Variants in DMD observed in about 807,000 individuals in gnomAD.
The protein encoded by DMD is mutant dystrophin.
A neutral mutation model predicts 330.1 loss-of-function variants in DMD; 63 were observed. The observed-to-expected ratio is 0.19, with a 90% CI of 0.16 to 0.24. The LOEUF is 0.24. DMD is among the 10% of genes least tolerant of loss of function. DMD has a pLI of 1.00. For synonymous variants in DMD, 1,223 were observed against 959.8 expected (o/e 1.27, Z -5.07); for missense variants, 3,344 against 2,684.1 (o/e 1.25, Z -5.43).
At chrX:32,419,564 A>G (rs770134771) in intron 29 of DMD, among the ~76,000 whole-genome samples, 327 of 112,487 alleles carry the variant, frequency 2.9e-3, no homozygotes, top group African/African-American at 0.01. Flanking sequence ...CTTTAAATAT[A>G]AAATAAAGAA....
At chrX:31,442,816 A>G (rs998694427) in intron 60 of DMD, among the ~76,000 whole-genome samples, 3 of 111,763 alleles carry the variant, frequency 2.7e-5, no homozygotes, top group Middle Eastern at 4.6e-3. Context: ...CTCAACTACT[A>G]TGGAGCAAAC....
At chrX:32,429,613 TC>T (rs2148111739) in intron 29 of DMD, among the ~76,000 whole-genome samples, 1 of 109,170 alleles carries the variant, frequency 9.2e-6, no homozygotes, top group Admixed American at 9.9e-5. Flanking sequence ...TTGTTTTCCT[TC>T]TTTCTTGCTT....
chrX:32,510,456 A>G (rs989319350), intron 18 of DMD, among the ~76,000 whole-genome samples: 9 of 111,673 alleles, frequency 8.1e-5, no homozygotes, highest in Admixed American at 1.9e-4. Context: ...AACATTCCAC[A>G]TGCTTTACAT....
At chrX:31,728,907 G>A (rs1009827952) in intron 52 of DMD, among the ~76,000 whole-genome samples, 1 of 111,173 alleles carries the variant, frequency 9.0e-6, no homozygotes, top group Non-Finnish European at 1.9e-5. Context: ...AAGCAGAGCT[G>A]ACTTGGACCT....
At chrX:32,579,386 CAGAT>C (rs1252037004) in intron 13 of DMD, among the ~76,000 whole-genome samples, 4 of 112,039 alleles carry the variant, frequency 3.6e-5, no homozygotes, top group African/African-American at 1.3e-4. Flanking sequence ...AGGAAACTGA[CAGAT>C]AGGTTAAGTA....
intron 1 of DMD, among the ~76,000 whole-genome samples, chrX:33,106,101 C>A (rs1181540695): frequency 1.9e-5 from 2 of 108,018 alleles, no homozygotes; most frequent in African/African-American, 3.4e-5. Context: ...TACTACTCAG[C>A]CATATAAACA....
chrX:32,016,248 G>A (rs1283980729), intron 44 of DMD, among the ~76,000 whole-genome samples: 2 of 111,656 alleles, frequency 1.8e-5, no homozygotes, highest in Non-Finnish European at 3.8e-5. Context: ...TAATGTCCTC[G>A]CACTTGTTGT....
chrX:32,843,220 T>C (rs1291553202), intron 4 of DMD, among the ~76,000 whole-genome samples: 1 of 112,498 alleles, frequency 8.9e-6, no homozygotes. Context: ...TTAAATCTAA[T>C]AATTCTGTGT....
At chrX:32,488,380 C>T (rs187440744) in intron 20 of DMD, among the ~76,000 whole-genome samples, 246 of 110,825 alleles carry the variant, frequency 2.2e-3, no homozygotes, top group African/African-American at 7.6e-3. Flanking sequence ...GCTCTCTAAC[C>T]CCCACAATAT....
chrX:31,966,142 C>CCGGTGCAAT (rs2095348971), intron 45 of DMD, among the ~76,000 whole-genome samples: 1 of 111,199 alleles, frequency 9.0e-6, no homozygotes, highest in African/African-American at 3.3e-5. Flanking sequence ...ATATTTTTCA[C>CCGGTGCAAT]CGGTGCAATA....
intron 50 of DMD, among the ~76,000 whole-genome samples, chrX:31,806,218 A>AT (rs2092287879): frequency 8.9e-6 from 1 of 112,060 alleles, no homozygotes; most frequent in African/African-American, 3.2e-5. Context: ...ATAAATATGG[A>AT]TTTTTTATTT....
At chrX:31,141,227 A>G (rs1186966644) in intron 76 of DMD, among the ~76,000 whole-genome samples, 3 of 111,834 alleles carry the variant, frequency 2.7e-5, no homozygotes, top group Non-Finnish European at 3.8e-5. Context: ...AACAACAACA[A>G]CAACAACAAA....
rs780787352 is a variant in DMD at position 32,818,080 on chromosome X, C to A, written c.358-1440G>T. 1.9e-3 allele frequency among the ~76,000 whole-genome samples: 208 copies of A among 111,856 alleles called. 1 individual carries two copies. The highest frequency in any genetic ancestry group is 3.2e-3 in the Non-Finnish European group (168 of 53,200). ...TCATATTCTAAAATTATAAATTGCT[C>A]AACCTTTATGTACAGTGACTGCAGG... On this transcript the variant is annotated intron_variant, in intron 5 of 78. Transcript: ENST00000357033.
intron 48 of DMD, among the ~76,000 whole-genome samples, chrX:31,872,553 A>G (rs777946781): frequency 8.9e-5 from 10 of 111,735 alleles, no homozygotes; most frequent in African/African-American, 3.2e-4. Flanking sequence ...GTGTTCCAGG[A>G]AGAGAGATAG....
chrX:32,968,924 G>A (rs187078418), intron 2 of DMD, among the ~76,000 whole-genome samples: 1,937 of 102,032 alleles, frequency 0.019, 23 homozygotes, highest in Non-Finnish European at 0.028. Context: ...AGCTACTTGG[G>A]AGGCTGAGGC....
chrX:32,083,014 C>T (rs2096405338), intron 44 of DMD, among the ~76,000 whole-genome samples: 2 of 111,936 alleles, frequency 1.8e-5, no homozygotes, highest in South Asian at 7.4e-4. Flanking sequence ...CTCATTTACT[C>T]AATCTAATAA....
At chrX:32,847,567 G>A (rs1200947178) in intron 3 of DMD, among the ~76,000 whole-genome samples, 2 of 112,204 alleles carry the variant, frequency 1.8e-5, no homozygotes, top group East Asian at 2.8e-4. Context: ...TTCTGGGATC[G>A]GGAGCATTTG....
At chrX:31,359,821 G>C (rs909953732) in intron 60 of DMD, among the ~76,000 whole-genome samples, 10 of 112,041 alleles carry the variant, frequency 8.9e-5, no homozygotes, top group Non-Finnish European at 1.7e-4. Flanking sequence ...TGGAGGCACA[G>C]AGAATGAGAT....
At chrX:32,454,635 A>G (rs758509487) in intron 26 of DMD, 27 bp downstream of exon 26, 1 of 1,073,842 alleles carries the variant, frequency 9.3e-7, no homozygotes, top group South Asian at 2.0e-5. Context: ...CCTTTGTTTT[A>G]CTTAGTTTTT....
Sources: gnomAD v4.1 joint callset for allele counts (sites outside exome capture counted in the v4.1 genomes callset) on GRCh38, gnomAD v4.1.1 for gene constraint, MANE v1.5 for transcripts, NCBI Gene and HGNC (gene_info 2026-07-23, HGNC 2026-07-21) for gene names.